The following PLAC1 variants were observed in gnomAD, a reference collection of about 807,000 sequenced individuals.
PLAC1 encodes the protein placenta associated 1.
For missense variants in PLAC1, 136 were observed against 163.2 expected, an observed-to-expected ratio of 0.83 and a Z score of 0.91; for synonymous variants, 68 against 62.1, an observed-to-expected ratio of 1.09 and a Z score of -0.44.
intron 1 of PLAC1, among the ~76,000 whole-genome samples, chrX:134,618,564 C>A (rs946152680): frequency 1.8e-5 from 2 of 111,476 alleles, no homozygotes; most frequent in Admixed American, 1.9e-4. Flanking sequence ...CACCACCATG[C>A]CTGGCTAATC....
chrX:134,632,860 CT>C (rs1169821052), intron 1 of PLAC1, among the ~76,000 whole-genome samples: 1 of 111,314 alleles, frequency 9.0e-6, no homozygotes, highest in African/African-American at 3.3e-5. Flanking sequence ...GAAGGCTCCC[CT>C]GATGTGGTTT....
intron 1 of PLAC1, among the ~76,000 whole-genome samples, chrX:134,618,630 G>A (rs1220819618): frequency 9.0e-6 from 1 of 111,461 alleles, no homozygotes; most frequent in African/African-American, 3.3e-5. Context: ...TGCCTAGGCT[G>A]GTCTTGAATT....
intron 2 of PLAC1, among the ~76,000 whole-genome samples, chrX:134,593,893 T>C (rs754542525): frequency 8.9e-6 from 1 of 112,048 alleles, no homozygotes; most frequent in Non-Finnish European, 1.9e-5. Flanking sequence ...ATGCCTTTTA[T>C]TTCCTTTTCT....
intron 1 of PLAC1, among the ~76,000 whole-genome samples, chrX:134,643,883 G>A (rs1011489139): frequency 9.2e-5 from 10 of 108,727 alleles, no homozygotes; most frequent in Non-Finnish European, 1.9e-4. Context: ...GTGACCTTGG[G>A]CAAGTTACTT....
intron 1 of PLAC1, among the ~76,000 whole-genome samples, chrX:134,653,332 C>T (rs185597529): frequency 8.9e-5 from 10 of 112,272 alleles, no homozygotes; most frequent in Admixed American, 2.8e-4. Flanking sequence ...ACATCACTAC[C>T]CACCCTTCTC....
At chrX:134,573,119 A>G (rs978678349) in intron 2 of PLAC1, among the ~76,000 whole-genome samples, 3 of 111,844 alleles carry the variant, frequency 2.7e-5, no homozygotes, top group Non-Finnish European at 5.6e-5. Flanking sequence ...CTGAACATAA[A>G]TATTCCTAAA....
chrX:134,714,735 C>A (rs2078638411), intron 2 of PLAC1, among the ~76,000 whole-genome samples: 1 of 111,653 alleles, frequency 9.0e-6, no homozygotes, highest in African/African-American at 3.3e-5. Flanking sequence ...TAAGTGGAAT[C>A]TTGCAGTGTT....
chrX:134,629,279 G>T (rs1569392817), intron 1 of PLAC1, among the ~76,000 whole-genome samples: 1 of 111,777 alleles, frequency 8.9e-6, no homozygotes, highest in East Asian at 2.8e-4. Context: ...ATTGCAGCAT[G>T]CCCTCACTTG....
chrX:134,612,159 A>C (rs1195730103), intron 1 of PLAC1, among the ~76,000 whole-genome samples: 2 of 112,150 alleles, frequency 1.8e-5, no homozygotes, highest in Non-Finnish European at 3.8e-5. Context: ...AAACTTAAGT[A>C]GTTCTCACAA....
At chrX:134,638,761 T>TAA (rs1163091116) in intron 1 of PLAC1, among the ~76,000 whole-genome samples, 2 of 105,393 alleles carry the variant, frequency 1.9e-5, no homozygotes, top group East Asian at 8.9e-4. Context: ...GCTGGCTTTT[T>TAA]TAAAAAAAAA....
intron 2 of PLAC1, among the ~76,000 whole-genome samples, chrX:134,708,070 A>G (rs2078612782): frequency 8.9e-6 from 1 of 112,277 alleles, no homozygotes; most frequent in African/African-American, 3.2e-5. Flanking sequence ...ACAGAGAAAT[A>G]AAAAACAGAG....
intron 2 of PLAC1, among the ~76,000 whole-genome samples, chrX:134,719,751 C>T (rs1021631031): frequency 1.8e-5 from 2 of 111,817 alleles, no homozygotes; most frequent in African/African-American, 6.5e-5. Context: ...GATCATGCCA[C>T]TGCCCTCCAG....
chrX:134,706,903 G>A (rs2078606395), intron 2 of PLAC1, among the ~76,000 whole-genome samples: 1 of 111,972 alleles, frequency 8.9e-6, no homozygotes, highest in East Asian at 2.8e-4. Flanking sequence ...TGAAAAATAT[G>A]TATGAACAGA....
intron 1 of PLAC1, among the ~76,000 whole-genome samples, chrX:134,735,321 A>G: frequency 9.0e-6 from 1 of 110,703 alleles, no homozygotes; most frequent in East Asian, 2.8e-4. Flanking sequence ...TTTGTCTCAT[A>G]TCTTTTGCTT....
chrX:134,643,166 G>A (rs1364987952), intron 1 of PLAC1, among the ~76,000 whole-genome samples: 1 of 111,619 alleles, frequency 9.0e-6, no homozygotes, highest in East Asian at 2.8e-4. Context: ...AATTTGGAAC[G>A]TAGATGAAAT....
At chrX:134,611,148 G>T (rs1372924567) in intron 1 of PLAC1, among the ~76,000 whole-genome samples, 2 of 110,865 alleles carry the variant, frequency 1.8e-5, no homozygotes, top group Admixed American at 1.9e-4. Context: ...CCAAAGTGCT[G>T]GGATTACAGG....
intron 1 of PLAC1, among the ~76,000 whole-genome samples, chrX:134,615,165 A>G (rs956597499): frequency 1.8e-5 from 2 of 111,984 alleles, no homozygotes; most frequent in African/African-American, 3.2e-5. Flanking sequence ...GTTTTCCACA[A>G]TGGCTTTACT....
chrX:134,613,940 C>G lies in PLAC1; in HGVS notation c.-130-11818G>C, dbSNP rs1188025236. Among the ~76,000 whole-genome samples, 3 of 110,737 alleles carry G rather than the reference C, an allele frequency of 2.7e-5. No homozygotes were observed. In the South Asian group the frequency reaches 1.2e-3, roughly 44 times the overall value. ...TTTGAGCAATCAATGCCTTCCATAA[C>G]CTCTTTAATCAAAATTACCACTATT... On this transcript the variant is annotated intron_variant, in intron 1 of 2. Coordinates refer to ENST00000359237, the MANE Select transcript of PLAC1 (RefSeq NM_021796.4).
At chrX:134,590,820 T>C (rs1264619663) in intron 2 of PLAC1, among the ~76,000 whole-genome samples, 1 of 110,589 alleles carries the variant, frequency 9.0e-6, no homozygotes, top group Non-Finnish European at 1.9e-5. Flanking sequence ...TTGGCCAGGC[T>C]GGTCTCGAAC....
Sources: allele counts gnomAD v4.1 joint callset (sites outside exome capture counted in the v4.1 genomes callset), GRCh38; gene constraint gnomAD v4.1.1; transcripts MANE v1.5; gene names NCBI Gene and HGNC (gene_info 2026-07-23, HGNC 2026-07-21).